Variants in ROBO1 observed in about 807,000 individuals in gnomAD.
ROBO1 encodes roundabout homolog 1.
ROBO1 carries 149 observed loss-of-function variants against 195.9 expected under a neutral mutation model. The observed-to-expected ratio is 0.76, with a 90% confidence interval of 0.67 to 0.87. The LOEUF is 0.87. Among genes scored for constraint, ROBO1 ranks in the 40% least tolerant of loss-of-function variants. ROBO1 has a pLI of 0.00. For missense variants in ROBO1, 1,933 were observed against 2,068.3 expected, an observed-to-expected ratio of 0.93 and a Z score of 1.27; for synonymous variants, 816 against 733.2, an observed-to-expected ratio of 1.11 and a Z score of -1.82.
intron 2 of ROBO1, among the ~76,000 whole-genome samples, chr3:79,427,272 A>T (rs2038484478): frequency 6.6e-6 from 1 of 152,212 alleles, no homozygotes; most frequent in Admixed American, 6.5e-5. Flanking sequence ...TTTTTCAAGT[A>T]CTTGGATGCT....
chr3:79,362,374 T>G (rs1425944914), intron 2 of ROBO1, among the ~76,000 whole-genome samples: 1 of 152,078 alleles, frequency 6.6e-6, no homozygotes, highest in African/African-American at 2.4e-5. Context: ...CTAGCTAATA[T>G]TTGGATAAAA....
chr3:79,250,198 C>T (rs185893053), intron 2 of ROBO1, among the ~76,000 whole-genome samples: 62 of 152,202 alleles, frequency 4.1e-4, no homozygotes, highest in Admixed American at 3.1e-3. Flanking sequence ...TGCACACATG[C>T]ACTATGTTAA....
At chr3:78,755,844 T>G (rs962715765) in intron 4 of ROBO1, among the ~76,000 whole-genome samples, 1 of 152,218 alleles carries the variant, frequency 6.6e-6, no homozygotes, top group Admixed American at 6.5e-5. Flanking sequence ...GAGTCTGATA[T>G]GAAAATTGTT....
At chr3:79,662,290 C>A (rs1340392126) in intron 1 of ROBO1, among the ~76,000 whole-genome samples, 1 of 152,060 alleles carries the variant, frequency 6.6e-6, no homozygotes, top group African/African-American at 2.4e-5. Flanking sequence ...GTTTTTCCTG[C>A]CAACTGATGC....
chr3:79,179,451 A>T (rs1329012499), intron 2 of ROBO1, among the ~76,000 whole-genome samples: 1 of 152,220 alleles, frequency 6.6e-6, no homozygotes, highest in African/African-American at 2.4e-5. Context: ...ATGAAGTTAG[A>T]ATAACTTGCT....
intron 2 of ROBO1, among the ~76,000 whole-genome samples, chr3:79,344,460 A>G (rs1177732019): frequency 6.6e-6 from 1 of 152,190 alleles, no homozygotes; most frequent in Non-Finnish European, 1.5e-5. Flanking sequence ...ACACAATAAA[A>G]GCGAATAATA....
intron 2 of ROBO1, among the ~76,000 whole-genome samples, chr3:79,450,359 AAAGG>A (rs542471193): frequency 1.0e-3 from 155 of 151,950 alleles, no homozygotes; most frequent in African/African-American, 3.5e-3. Flanking sequence ...ATGAAGGGAG[AAAGG>A]AAGGAAGAGA....
At chr3:79,454,891 T>C (rs2039566253) in intron 2 of ROBO1, among the ~76,000 whole-genome samples, 1 of 152,176 alleles carries the variant, frequency 6.6e-6, no homozygotes, top group East Asian at 1.9e-4. Context: ...AAATGGAAGA[T>C]CAGTATAGCC....
At chr3:79,082,870 G>C (rs888768664) in intron 3 of ROBO1, among the ~76,000 whole-genome samples, 1 of 151,902 alleles carries the variant, frequency 6.6e-6, no homozygotes, top group Non-Finnish European at 1.5e-5. Flanking sequence ...TGGTGTGGAG[G>C]GAGGCAGGTT....
Position 78,759,955 on chromosome 3 carries a change from T to C in ROBO1, c.500-13055A>G, listed in dbSNP as rs770772783. ...ATGGAGAGTGAGAATCTGGACAACATAAAACTACCACGCTGATGTGGTTTG... is the reference window on the plus strand; with the variant it reads ...ATGGAGAGTGAGAATCTGGACAACACAAAACTACCACGCTGATGTGGTTTG... On this transcript the variant is annotated intron_variant, in intron 4 of 30. Transcript: ENST00000464233. 2.3e-4 allele frequency among the ~76,000 whole-genome samples: 35 copies of C among 152,314 alleles called. 1 individual carries two copies. Among genetic ancestry groups the C allele is most frequent in the Middle Eastern group, 3.4e-3 (1 of 294 alleles).
chr3:79,739,367 ATT>A, intron 1 of ROBO1, among the ~76,000 whole-genome samples: 1 of 152,216 alleles, frequency 6.6e-6, no homozygotes, highest in Middle Eastern at 3.4e-3. Context: ...AATAAGTATA[ATT>A]TTTAACATGA....
chr3:79,527,420 C>G (rs1225295085), intron 2 of ROBO1, among the ~76,000 whole-genome samples: 1 of 152,016 alleles, frequency 6.6e-6, no homozygotes, highest in Non-Finnish European at 1.5e-5. Context: ...CTTTAAAAAT[C>G]CTGCACATGT....
At chr3:79,108,698 C>T (rs1008646988) in intron 3 of ROBO1, among the ~76,000 whole-genome samples, 4 of 151,622 alleles carry the variant, frequency 2.6e-5, no homozygotes, top group Admixed American at 1.3e-4. Context: ...CTTAGAGTAA[C>T]GTCTTGATTA....
intron 2 of ROBO1, among the ~76,000 whole-genome samples, chr3:79,283,700 C>CTTT (rs762896053): frequency 2.1e-5 from 3 of 141,342 alleles, no homozygotes; most frequent in Admixed American, 7.0e-5. Flanking sequence ...TCCATGAATT[C>CTTT]TTTTTTTTTT....
intron 4 of ROBO1, among the ~76,000 whole-genome samples, chr3:78,801,676 A>G (rs1028557827): frequency 3.9e-5 from 6 of 152,130 alleles, no homozygotes; most frequent in Non-Finnish European, 8.8e-5. Context: ...TAAATATAAC[A>G]TGGGGTACTT....
chr3:79,194,720 G>A (rs1398720285), intron 2 of ROBO1, among the ~76,000 whole-genome samples: 1 of 151,486 alleles, frequency 6.6e-6, no homozygotes, highest in Non-Finnish European at 1.5e-5. Context: ...CTCTTTTATT[G>A]TAGTAGAATG....
intron 3 of ROBO1, among the ~76,000 whole-genome samples, chr3:78,987,079 C>A (rs1197086224): frequency 2.7e-5 from 4 of 150,502 alleles, no homozygotes; most frequent in African/African-American, 9.8e-5. Context: ...ACCTCTCCCC[C>A]CAAAACATGA....
intron 2 of ROBO1, among the ~76,000 whole-genome samples, chr3:79,500,119 C>CT (rs57887981): frequency 0.03 from 2,139 of 72,492 alleles, 174 homozygotes; most frequent in Non-Finnish European, 0.041. Flanking sequence ...TAAGTTTTCT[C>CT]TTTTTTTTTT....
chr3:78,960,779 AAC>A (rs751349324), intron 3 of ROBO1, among the ~76,000 whole-genome samples: 12,166 of 124,110 alleles, frequency 0.098, 469 homozygotes, highest in South Asian at 0.12. Flanking sequence ...TCCGTATTAA[AAC>A]ACACACACAC....
Sources: gnomAD v4.1 joint callset for allele counts (sites outside exome capture counted in the v4.1 genomes callset) on GRCh38, gnomAD v4.1.1 for gene constraint, MANE v1.5 for transcripts, NCBI Gene and HGNC (gene_info 2026-07-23, HGNC 2026-07-21) for gene names.